The following FBXO36 variants were observed in gnomAD, a reference collection of about 807,000 sequenced individuals.
FBXO36 encodes F-box only protein 36.
Under a neutral mutation model 17.0 loss-of-function variants are expected in FBXO36, and 18 were observed. The ratio of observed to expected loss-of-function variants is 1.06; its 90% CI spans 0.73 to 1.57. FBXO36 has a LOEUF of 1.57. Among genes scored for constraint, FBXO36 ranks in the 40% most tolerant of loss-of-function variants. FBXO36 has a pLI of 0.00. For synonymous variants in FBXO36, 83 were observed against 85.3 expected, an observed-to-expected ratio of 0.97 and a Z score of 0.15; for missense variants, 229 against 221.9, an observed-to-expected ratio of 1.03 and a Z score of -0.20.
chr2:229,941,025 T>C (rs1395312728), intron 1 of FBXO36, among the ~76,000 whole-genome samples: 1 of 152,066 alleles, frequency 6.6e-6, no homozygotes, highest in Admixed American at 6.6e-5. Flanking sequence ...TCACCATCTG[T>C]TTGGCACAAT....
rs138693758 is a variant in FBXO36 at position 229,958,095 on chromosome 2, A to C, written c.97-18146A>C. On this transcript the variant is annotated intron_variant, in intron 1 of 3. Coordinates refer to ENST00000283946, the MANE Select transcript of FBXO36 (RefSeq NM_174899.5). ...TGCCCATATCTGGGAAGGTTTTGGA[A>C]ACAGGATTCCAGGTTGTATTATTTT... Among the ~76,000 whole-genome samples the C allele has an allele frequency of 1.6e-3, 245 of 152,198 alleles. 1 individual carries two copies. The highest frequency in any genetic ancestry group is 3.8e-4 in the Non-Finnish European group (26 of 68,000).
intron 2 of FBXO36, among the ~76,000 whole-genome samples, chr2:229,990,711 C>T (rs1185647113): frequency 6.6e-6 from 1 of 152,056 alleles, no homozygotes; most frequent in Non-Finnish European, 1.5e-5. Context: ...TTTTGCCTAC[C>T]ATCATTGCTG....
chr2:229,981,950 G>A, intron 2 of FBXO36, among the ~76,000 whole-genome samples: 1 of 152,120 alleles, frequency 6.6e-6, no homozygotes, highest in South Asian at 2.1e-4. Context: ...GAGGGAGCAG[G>A]TGTCTTACAT....
chr2:229,947,932 C>A (rs1347740143), intron 1 of FBXO36, among the ~76,000 whole-genome samples: 1 of 152,150 alleles, frequency 6.6e-6, no homozygotes, highest in Admixed American at 6.5e-5. Flanking sequence ...GATTTTGACT[C>A]TGCAGCACTG....
intron 3 of FBXO36, among the ~76,000 whole-genome samples, chr2:230,005,916 C>T (rs982676676): frequency 6.0e-4 from 92 of 152,228 alleles, no homozygotes; most frequent in African/African-American, 1.9e-3. Flanking sequence ...GATCTGCCTA[C>T]CTCGGCCTCC....
chr2:229,985,510 C>G (rs549095430), intron 2 of FBXO36, among the ~76,000 whole-genome samples: 1 of 152,124 alleles, frequency 6.6e-6, no homozygotes, highest in South Asian at 2.1e-4. Flanking sequence ...TTGCTGCCCT[C>G]TCTGATCAGC....
chr2:229,953,294 G>C (rs922380341), intron 1 of FBXO36, among the ~76,000 whole-genome samples: 3 of 152,022 alleles, frequency 2.0e-5, no homozygotes, highest in African/African-American at 7.2e-5. Flanking sequence ...AGCGGAGATT[G>C]CGCCATTGCA....
intron 1 of FBXO36, among the ~76,000 whole-genome samples, chr2:229,942,251 C>T (rs2077003386): frequency 6.6e-6 from 1 of 152,182 alleles, no homozygotes; most frequent in Non-Finnish European, 1.5e-5. Context: ...CCACGCACCA[C>T]AACCCTGTGC....
At position 229,938,221 on chromosome 2, in the gene FBXO36, T is replaced by C. The variant is rs1268033371; in HGVS notation, c.96+15612T>C. Among the ~76,000 whole-genome samples, 8 of 138,136 alleles carry C rather than the reference T, an allele frequency of 5.8e-5. No homozygotes were observed. The East Asian group carries it at 1.1e-3, about 18-fold the overall frequency. 90.6% of individuals were successfully genotyped at this position (138,136 alleles called of 152,430 possible). On this transcript the variant is annotated intron_variant, in intron 1 of 3. Transcript: ENST00000283946. The stretch of plus-strand genomic sequence containing the variant: ...GATTGGTTAGATACAACTTTCTTTT[T>C]TTTTTTTTTTTTTTTTTGAGGAGGA...
At chr2:229,984,255 G>A (rs1006614835) in intron 2 of FBXO36, among the ~76,000 whole-genome samples, 1 of 151,742 alleles carries the variant, frequency 6.6e-6, no homozygotes. Flanking sequence ...GGTTGAGGCA[G>A]GAGAATCGCT....
intron 1 of FBXO36, among the ~76,000 whole-genome samples, chr2:229,930,301 G>A (rs1004618122): frequency 2.6e-5 from 4 of 152,144 alleles, no homozygotes; most frequent in African/African-American, 9.7e-5. Flanking sequence ...AGCCATGATC[G>A]TGCCAGTGCA....
At chr2:229,923,847 G>GTTTTTTTTTT (rs71045800) in intron 1 of FBXO36, among the ~76,000 whole-genome samples, 4 of 77,708 alleles carry the variant, frequency 5.1e-5, no homozygotes, top group Non-Finnish European at 9.2e-5. Flanking sequence ...TTTTGGTGTT[G>GTTTTTTTTTT]TTTTTTTTTT....
intron 2 of FBXO36, among the ~76,000 whole-genome samples, chr2:229,994,521 C>T (rs1405248863): frequency 2.0e-5 from 3 of 152,152 alleles, no homozygotes; most frequent in East Asian, 3.9e-4. Flanking sequence ...AATCAGAGAG[C>T]CCAACTTCTA....
chr2:229,968,255 C>T (rs1253355554), intron 1 of FBXO36, among the ~76,000 whole-genome samples: 1 of 151,930 alleles, frequency 6.6e-6, no homozygotes, highest in Non-Finnish European at 1.5e-5. Context: ...CTTAAACTTT[C>T]AACACACAAC....
intron 3 of FBXO36, among the ~76,000 whole-genome samples, chr2:230,000,379 G>A (rs1457298443): frequency 6.8e-5 from 8 of 118,206 alleles, no homozygotes; most frequent in South Asian, 2.7e-4. Flanking sequence ...AAAAAAAAAA[G>A]AAGCAGCAGC....
intron 1 of FBXO36, among the ~76,000 whole-genome samples, chr2:229,964,682 G>A (rs1372282395): frequency 2.0e-5 from 3 of 152,056 alleles, no homozygotes; most frequent in Admixed American, 1.3e-4. Context: ...CACCACGCCC[G>A]ATTATTTTTT....
At position 230,010,810 on chromosome 2, in the gene FBXO36, A is replaced by C. The variant is rs770975794; in HGVS notation, c.493A>C (p.Asn165His). 3.7e-6 allele frequency: 6 copies of C among 1,613,972 alleles called. No homozygotes were observed. Among genetic ancestry groups the C allele is most frequent in the Non-Finnish European group, 5.1e-6 (6 of 1,179,842 alleles). ...DTGWRQLFFT[N>H]KLQLQRQLRK... ...AGGCTGGAGACAGCTGTTCTTCACCAACAAGCTCCAGCTCCAGCGGCAGCT... is the reference window on the plus strand; with the variant it reads ...AGGCTGGAGACAGCTGTTCTTCACCCACAAGCTCCAGCTCCAGCGGCAGCT... The change falls in exon 4 of 4, where the codon AAC (asparagine) becomes CAC (histidine). Residue 165 changes from asparagine to histidine, a missense_variant. By Grantham distance (68) the Asn-to-His change is moderately conservative. Coordinates refer to ENST00000283946, the MANE Select transcript of FBXO36 (RefSeq NM_174899.5).
At position 230,010,847 on chromosome 2, in the gene FBXO36, A is replaced by C. The variant is rs1440739009; in HGVS notation, c.530A>C (p.Lys177Thr). The change falls in exon 4 of 4, where the codon AAA (lysine) becomes ACA (threonine). Residue 177 changes from lysine to threonine, a missense_variant. Coordinates refer to ENST00000283946, the MANE Select transcript of FBXO36 (RefSeq NM_174899.5). ...CTCCAGCGGCAGCTCCGCAAGAGGA[A>C]ACAAAAATATGGAAACCTGAGAGAA... Reference protein sequence around the residue: ...LQLQRQLRKRKQKYGNLREKQ... With the variant: ...LQLQRQLRKRTQKYGNLREKQ... The C allele has an allele frequency of 6.2e-7, 1 of 1,613,334 alleles. No individual in the cohort carries two copies. The highest frequency in any genetic ancestry group is 8.5e-7 in the Non-Finnish European group (1 of 1,179,500).
At chr2:229,962,931 C>T (rs955775317) in intron 1 of FBXO36, among the ~76,000 whole-genome samples, 2 of 152,190 alleles carry the variant, frequency 1.3e-5, no homozygotes, top group Non-Finnish European at 2.9e-5. Flanking sequence ...CCCATCTTGG[C>T]CTCCCAAAGT....
Sources: gnomAD v4.1 joint callset for allele counts (sites outside exome capture counted in the v4.1 genomes callset) on GRCh38, gnomAD v4.1.1 for gene constraint, MANE v1.5 for transcripts, NCBI Gene and HGNC (gene_info 2026-07-23, HGNC 2026-07-21) for gene names.